NPEPPS: variants seen among roughly 807,000 people sequenced by gnomAD.
NPEPPS encodes the protein aminopeptidase puromycin sensitive, also known as puromycin-sensitive aminopeptidase.
In NPEPPS, 14 loss-of-function variants were observed where a neutral mutation model predicts 115.5. The ratio of observed to expected loss-of-function variants is 0.12; its 90% CI spans 0.08 to 0.19. NPEPPS has a LOEUF of 0.19. NPEPPS is among the 10% of genes least tolerant of loss of function. NPEPPS has a pLI of 1.00. For missense variants in NPEPPS, 523 were observed against 1,110.8 expected (o/e 0.47, Z 7.52); for synonymous variants, 285 against 390.6 (o/e 0.73, Z 3.19).
chr17:47,579,945 G>GTC (rs1009081319), intron 4 of NPEPPS: 5 of 157,632 alleles, frequency 3.2e-5, no homozygotes, highest in African/African-American at 1.2e-4. Context: ...GTGTGTGTGT[G>GTC]TGTGTGTGTG....
chr17:47,601,573 C>T (rs773996537), intron 14 of NPEPPS, 35 bp from the exon 15 acceptor site: 1 of 1,612,014 alleles, frequency 6.2e-7, no homozygotes, highest in Non-Finnish European at 8.5e-7. Flanking sequence ...TCTGTTTGTC[C>T]CAGTGCAAAA....
intron 2 of NPEPPS, among the ~76,000 whole-genome samples, chr17:47,550,669 C>T (rs1176203975): frequency 6.8e-6 from 1 of 148,128 alleles, no homozygotes; most frequent in Non-Finnish European, 1.5e-5. Context: ...CTCTTGTTGC[C>T]CAGGCTGCAG....
chr17:47,553,819 C>T (rs867385977), intron 2 of NPEPPS, among the ~76,000 whole-genome samples: 15 of 150,614 alleles, frequency 1.0e-4, no homozygotes, highest in African/African-American at 7.3e-5. Context: ...GGTGCAATCT[C>T]AGCTCACTGC....
chr17:47,615,832 A>T (rs1273292886), intron 19 of NPEPPS, among the ~76,000 whole-genome samples: 1 of 152,178 alleles, frequency 6.6e-6, no homozygotes, highest in Admixed American at 6.5e-5. Flanking sequence ...TTAACACAAG[A>T]GAGTTCACGA....
intron 2 of NPEPPS, among the ~76,000 whole-genome samples, chr17:47,566,150 C>T (rs539381645): frequency 5.9e-5 from 9 of 152,180 alleles, no homozygotes; most frequent in Middle Eastern, 3.4e-3. Flanking sequence ...TGTGTCACCA[C>T]GTATGACTAA....
intron 1 of NPEPPS, among the ~76,000 whole-genome samples, chr17:47,538,032 T>C (rs1908435058): frequency 6.6e-6 from 1 of 151,002 alleles, no homozygotes; most frequent in African/African-American, 2.4e-5. Context: ...TAGCTGGGAT[T>C]ACAGGCATGC....
intron 3 of NPEPPS, among the ~76,000 whole-genome samples, chr17:47,575,829 T>C (rs113222354): frequency 8.4e-4 from 128 of 152,026 alleles, no homozygotes; most frequent in African/African-American, 2.7e-3. Flanking sequence ...AGGATGGTCT[T>C]GATCTCCTGA....
At position 47,585,619 on chromosome 17, in the gene NPEPPS, A is replaced by C; in HGVS notation, c.768A>C (p.Val256=). The C allele has an allele frequency of 6.2e-7, 1 of 1,613,942 alleles. No individual in the cohort carries two copies. The highest frequency in any genetic ancestry group is 8.5e-7 in the Non-Finnish European group (1 of 1,179,814). ...VAFVVGEYDF[V]ETRSKDGVCV... The stretch of plus-strand genomic sequence containing the variant: ...TTGTTGTGGGTGAATATGACTTTGT[A>C]GAAACAAGGTCAAAAGATGGTGTGT... Residue 256 remains valine, a synonymous_variant, in exon 6 of 23, where the codon GTA becomes GTC. Transcript: ENST00000322157.
rs1355762964 is a variant in NPEPPS at position 47,531,565 on chromosome 17, C to A, written c.255+10C>A. On this transcript the variant is annotated intron_variant, in intron 1 of 22. Transcript: ENST00000322157. The stretch of plus-strand genomic sequence containing the variant: ...GGAGGCCGCCGCCCAGGTACAGCGA[C>A]CCTCGGGCCCCGGGGCAAGCTGCGG... 1.3e-6 allele frequency: 2 copies of A among 1,592,984 alleles called. No homozygotes were observed. Among genetic ancestry groups the A allele is most frequent in the Non-Finnish European group, 1.7e-6 (2 of 1,171,720 alleles).
intron 12 of NPEPPS, chr17:47,596,003 AAAAG>A (rs1281236716): frequency 1.2e-5 from 2 of 162,222 alleles, no homozygotes; most frequent in Non-Finnish European, 2.6e-5. Context: ...AAAAAAAAAA[AAAAG>A]CCAGGTGTTG....
intron 13 of NPEPPS, among the ~76,000 whole-genome samples, chr17:47,597,103 A>C (rs1486241796): frequency 6.6e-6 from 1 of 152,198 alleles, no homozygotes; most frequent in Non-Finnish European, 1.5e-5. Context: ...ACAGAATCAA[A>C]TGCAAATAGC....
chr17:47,552,856 GTGCATTACA>G (rs2143741267), intron 2 of NPEPPS, among the ~76,000 whole-genome samples: 1 of 152,294 alleles, frequency 6.6e-6, no homozygotes, highest in African/African-American at 2.4e-5. Flanking sequence ...CAGGCACTAA[GTGCATTACA>G]TGTTCATATA....
chr17:47,603,845 TA>T, intron 15 of NPEPPS, 69 bp from the exon 16 acceptor site: 1 of 1,447,446 alleles, frequency 6.9e-7, no homozygotes, highest in South Asian at 1.3e-5. Flanking sequence ...GAACTCCTTT[TA>T]AACATACAAA....
In NPEPPS at chr17:47,609,199, A is replaced by G. The variant is rs566493726; in HGVS notation, c.2096-3261A>G. Reference sequence around the variant, plus strand: ...TTTGTGAGAGAGAGGGCTTATTGCTATAGTGACAGCTGAATAATCAAGAGG... The same window carrying G: ...TTTGTGAGAGAGAGGGCTTATTGCTGTAGTGACAGCTGAATAATCAAGAGG... On this transcript the variant is annotated intron_variant, in intron 17 of 22. Transcript: ENST00000322157. 5.1e-4 allele frequency among the ~76,000 whole-genome samples: 78 copies of G among 152,312 alleles called. 1 individual carries two copies. The highest frequency in any genetic ancestry group is 8.7e-4 in the Non-Finnish European group (59 of 68,020).
At chr17:47,566,832 C>T (rs765678338) in intron 2 of NPEPPS, among the ~76,000 whole-genome samples, 8 of 152,052 alleles carry the variant, frequency 5.3e-5, no homozygotes, top group South Asian at 2.1e-4. Flanking sequence ...CCCAGCACTT[C>T]GGGAGGCTGA....
At chr17:47,611,320 C>T (rs1224210062) in intron 17 of NPEPPS, among the ~76,000 whole-genome samples, 2 of 151,734 alleles carry the variant, frequency 1.3e-5, no homozygotes, top group South Asian at 2.1e-4. Context: ...ATTAGCCGGG[C>T]GTGGTGGCAC....
chr17:47,590,683 A>G (rs1230696727), intron 9 of NPEPPS, 34 bp from the exon 10 acceptor site: 2 of 1,595,678 alleles, frequency 1.3e-6, no homozygotes, highest in Non-Finnish European at 8.6e-7. Flanking sequence ...CAATCATTTC[A>G]TTTTCTTTAA....
chr17:47,613,159 T>A (rs1459395014), intron 18 of NPEPPS, among the ~76,000 whole-genome samples: 2 of 152,128 alleles, frequency 1.3e-5, no homozygotes, highest in Non-Finnish European at 2.9e-5. Flanking sequence ...AAAGCTGCTG[T>A]GCTCTGCTGG....
chr17:47,533,854 T>C (rs1178875414), intron 1 of NPEPPS, among the ~76,000 whole-genome samples: 1 of 152,172 alleles, frequency 6.6e-6, no homozygotes, highest in African/African-American at 2.4e-5. Context: ...TTCCAGAAAT[T>C]CTTTTCAGGC....
Sources: gnomAD v4.1 joint callset for allele counts (sites outside exome capture counted in the v4.1 genomes callset) on GRCh38, gnomAD v4.1.1 for gene constraint, MANE v1.5 for transcripts, NCBI Gene and HGNC (gene_info 2026-07-23, HGNC 2026-07-21) for gene names.